The following BICC1 variants were observed in gnomAD, a reference collection of about 807,000 sequenced individuals.
The protein encoded by BICC1 is BicC family RNA binding protein 1.
A neutral mutation model predicts 111.0 loss-of-function variants in BICC1; 43 were observed. That is an observed-to-expected ratio of 0.39 (90% CI 0.30 to 0.50). BICC1 has a LOEUF of 0.50. Among genes scored for constraint, BICC1 ranks in the 20% least tolerant of loss-of-function variants. The pLI, the probability that BICC1 is intolerant of heterozygous loss-of-function variation, is 0.88. For synonymous variants in BICC1, 467 were observed against 434.4 expected (o/e 1.07, Z -0.93); for missense variants, 1,091 against 1,203.2 (o/e 0.91, Z 1.38).
chr10:58,598,673 A>T (rs1844917542), intron 1 of BICC1, among the ~76,000 whole-genome samples: 1 of 152,208 alleles, frequency 6.6e-6, no homozygotes, highest in South Asian at 2.1e-4. Context: ...TAATTAAATT[A>T]AAGAGCTTCT....
At chr10:58,618,219 T>A (rs1321651243) in intron 1 of BICC1, among the ~76,000 whole-genome samples, 1 of 152,108 alleles carries the variant, frequency 6.6e-6, no homozygotes, top group African/African-American at 2.4e-5. Context: ...GTCCAAGGCC[T>A]ATGTCTCCCT....
intron 2 of BICC1, among the ~76,000 whole-genome samples, chr10:58,699,922 C>T (rs1589036874): frequency 6.6e-6 from 1 of 152,110 alleles, no homozygotes. Flanking sequence ...AAACTCCTGG[C>T]CTCAAGCAAT....
At chr10:58,822,612 C>T (rs181000244) in intron 20 of BICC1, among the ~76,000 whole-genome samples, 2 of 152,224 alleles carry the variant, frequency 1.3e-5, no homozygotes, top group Non-Finnish European at 2.9e-5. Context: ...CTGCTCTGCA[C>T]AGCATAAAGG....
intron 3 of BICC1, among the ~76,000 whole-genome samples, chr10:58,740,498 G>A (rs923644130): frequency 6.6e-6 from 1 of 151,960 alleles, no homozygotes; most frequent in African/African-American, 2.4e-5. Context: ...GATTGTGTTG[G>A]GGCTTTTGTT....
chr10:58,669,178 T>C (rs1286073178), intron 2 of BICC1, among the ~76,000 whole-genome samples: 1 of 151,986 alleles, frequency 6.6e-6, no homozygotes, highest in African/African-American at 2.4e-5. Context: ...TTTTTAAATA[T>C]ACCCAGTTGA....
intron 2 of BICC1, among the ~76,000 whole-genome samples, chr10:58,660,780 G>A (rs578098164): frequency 6.6e-6 from 1 of 152,158 alleles, no homozygotes; most frequent in African/African-American, 2.4e-5. Flanking sequence ...TCCTCAGGAG[G>A]AGAGGAGAGA....
At chr10:58,534,712 C>T (rs570442048) in intron 1 of BICC1, among the ~76,000 whole-genome samples, 23 of 151,580 alleles carry the variant, frequency 1.5e-4, no homozygotes, top group African/African-American at 5.6e-4. Context: ...CCAAAAAACA[C>T]ACTAACTCTC....
chr10:58,733,474 T>A (rs903507540), intron 3 of BICC1, among the ~76,000 whole-genome samples: 1 of 152,244 alleles, frequency 6.6e-6, no homozygotes, highest in African/African-American at 2.4e-5. Context: ...AGAGTAATAA[T>A]CACAGGTACA....
chr10:58,688,359 A>G (rs1431622323), intron 2 of BICC1, among the ~76,000 whole-genome samples: 1 of 152,028 alleles, frequency 6.6e-6, no homozygotes, highest in Non-Finnish European at 1.5e-5. Flanking sequence ...CAGAGCACTG[A>G]TTGGTGCGTT....
intron 8 of BICC1, among the ~76,000 whole-genome samples, chr10:58,790,596 G>C (rs755040341): frequency 1.3e-5 from 2 of 152,186 alleles, no homozygotes; most frequent in Non-Finnish European, 2.9e-5. Flanking sequence ...GGGAGGCCAA[G>C]GTGGGCAGAT....
intron 20 of BICC1, among the ~76,000 whole-genome samples, chr10:58,827,509 G>A (rs750320539): frequency 3.3e-5 from 5 of 152,192 alleles, no homozygotes; most frequent in Non-Finnish European, 5.9e-5. Context: ...GAGAAATTCA[G>A]GAGCTAATAG....
chr10:58,823,411 A>G, intron 20 of BICC1: 1 of 984,704 alleles, frequency 1.0e-6, no homozygotes, highest in Non-Finnish European at 1.2e-6. Context: ...CTTCAGTAGG[A>G]CTTGACCTTG....
chr10:58,662,270 T>TA, intron 2 of BICC1, among the ~76,000 whole-genome samples: 1 of 152,334 alleles, frequency 6.6e-6, no homozygotes, highest in Non-Finnish European at 1.5e-5. Context: ...AGAATAATGT[T>TA]AAAAAACACA....
intron 2 of BICC1, among the ~76,000 whole-genome samples, chr10:58,695,071 T>C (rs1589031551): frequency 6.6e-6 from 1 of 152,200 alleles, no homozygotes; most frequent in South Asian, 2.1e-4. Flanking sequence ...TTACAAATTA[T>C]TGTGAGGAAT....
At chr10:58,760,050 T>C (rs10509092) in intron 3 of BICC1, among the ~76,000 whole-genome samples, 41,840 of 151,690 alleles carry the variant, frequency 0.28, 6,721 homozygotes, top group East Asian at 0.47. Flanking sequence ...TGTGACACGA[T>C]GTTAGCTGCT....
At chr10:58,675,349 G>C (rs1003357055) in intron 2 of BICC1, among the ~76,000 whole-genome samples, 3 of 152,090 alleles carry the variant, frequency 2.0e-5, no homozygotes, top group Non-Finnish European at 2.9e-5. Flanking sequence ...GAAGTACAGT[G>C]GGTTTTGGAA....
chr10:58,826,757 A>G (rs182195883), intron 20 of BICC1, among the ~76,000 whole-genome samples: 52 of 152,290 alleles, frequency 3.4e-4, no homozygotes, highest in African/African-American at 1.1e-3. Context: ...AGACTGTCCC[A>G]AAAAGAAAAA....
chr10:58,732,780 TCA>T (rs1038598815), intron 3 of BICC1, among the ~76,000 whole-genome samples: 1 of 151,616 alleles, frequency 6.6e-6, no homozygotes, highest in African/African-American at 2.4e-5. Context: ...AGACCTTGCC[TCA>T]CACACACACA....
chr10:58,699,810 C>T (rs1241533623), intron 2 of BICC1, among the ~76,000 whole-genome samples: 2 of 151,990 alleles, frequency 1.3e-5, no homozygotes, highest in Non-Finnish European at 2.9e-5. Context: ...TCCTCCTGCT[C>T]CAGCCTCCTG....
Sources: gnomAD v4.1 joint callset for allele counts (sites outside exome capture counted in the v4.1 genomes callset) on GRCh38, gnomAD v4.1.1 for gene constraint, MANE v1.5 for transcripts, NCBI Gene and HGNC (gene_info 2026-07-23, HGNC 2026-07-21) for gene names.